Variants in OR14A2 observed in about 807,000 individuals in gnomAD.
OR14A2 encodes the protein olfactory receptor family 14 subfamily A member 2.
For synonymous variants in OR14A2, 114 were observed against 58.6 expected (o/e 1.95, Z -4.32); for missense variants, 237 against 152.9 (o/e 1.55, Z -2.90).
chr1:247,741,151 T>C, the OR14A2 span, among the ~76,000 whole-genome samples: 1 of 152,234 alleles, frequency 6.6e-6, no homozygotes, highest in Non-Finnish European at 1.5e-5. Context: ...AACTCTTGTA[T>C]GTCATTGTAT....
exon 1 of OR14A2, chr1:247,723,414 G>T (rs771750557): frequency 1.3e-5 from 9 of 717,384 alleles, no homozygotes; most frequent in Non-Finnish European, 2.1e-5. Context: ...TCACAATACA[G>T]ATGAAACAAG....
At chr1:247,736,673 GTCTC>G in the OR14A2 span, among the ~76,000 whole-genome samples, 1 of 152,044 alleles carries the variant, frequency 6.6e-6, no homozygotes, top group Non-Finnish European at 1.5e-5. Flanking sequence ...TACCCTGGCT[GTCTC>G]TAAAACACAC....
At chr1:247,738,235 A>G in the OR14A2 span, among the ~76,000 whole-genome samples, 1 of 152,218 alleles carries the variant, frequency 6.6e-6, no homozygotes, top group Non-Finnish European at 1.5e-5. Context: ...ACACAAAACT[A>G]CATTAACCGG....
At chr1:247,739,259 C>T in the OR14A2 span, 3 of 780,778 alleles carry the variant, frequency 3.8e-6, no homozygotes, top group Admixed American at 5.1e-5. Flanking sequence ...TTGTAGTTTC[C>T]TATGTGTACA....
chr1:247,742,504 C>T, the OR14A2 span, among the ~76,000 whole-genome samples: 9 of 152,242 alleles, frequency 5.9e-5, no homozygotes, highest in East Asian at 1.7e-3. Context: ...AGACTGTGTT[C>T]ACCACTGTGG....
the OR14A2 span, among the ~76,000 whole-genome samples, chr1:247,742,650 A>C: frequency 6.6e-5 from 10 of 152,264 alleles, no homozygotes; most frequent in Non-Finnish European, 1.5e-4. Context: ...TATATGACAG[A>C]GGATAATCAA....
the OR14A2 span, among the ~76,000 whole-genome samples, chr1:247,735,384 A>G: frequency 6.6e-6 from 1 of 152,224 alleles, no homozygotes; most frequent in Non-Finnish European, 1.5e-5. Flanking sequence ...AAGGTGTCAC[A>G]TGCAAATGAA....
the OR14A2 span, among the ~76,000 whole-genome samples, chr1:247,735,059 C>T: frequency 0.2 from 30,861 of 152,206 alleles, 3,942 homozygotes; most frequent in Non-Finnish European, 0.29. Flanking sequence ...TCGTAGGATG[C>T]TCATGAGGAT....
the OR14A2 span, among the ~76,000 whole-genome samples, chr1:247,745,594 T>C: frequency 6.6e-6 from 1 of 152,164 alleles, no homozygotes; most frequent in Non-Finnish European, 1.5e-5. Flanking sequence ...CTTTAATTTT[T>C]CTTTTTTTCT....
At chr1:247,739,494 G>A in the OR14A2 span, 1 of 780,812 alleles carries the variant, frequency 1.3e-6, no homozygotes, top group Non-Finnish European at 2.4e-6. Flanking sequence ...GAAGAACAAG[G>A]ACATTAAATC....
At chr1:247,723,165 A>G in exon 1 of OR14A2, 1 of 717,706 alleles carries the variant, frequency 1.4e-6, no homozygotes, top group Non-Finnish European at 2.6e-6. Context: ...ATTTCATGTC[A>G]TTGTTCCGCA....
At chr1:247,736,152 T>TCCCCG in the OR14A2 span, among the ~76,000 whole-genome samples, 1 of 143,176 alleles carries the variant, frequency 7.0e-6, no homozygotes. Context: ...CATATAGGCC[T>TCCCCG]CCCCTCCCCT....
the OR14A2 span, among the ~76,000 whole-genome samples, chr1:247,729,258 C>T: frequency 6.6e-6 from 1 of 152,118 alleles, no homozygotes; most frequent in African/African-American, 2.4e-5. Flanking sequence ...GAGGAAACAA[C>T]TGTTTCCAAC....
upstream of OR14A2, among the ~76,000 whole-genome samples, chr1:247,728,261 C>G (rs1420157558): frequency 1.1e-4 from 17 of 152,128 alleles, no homozygotes; most frequent in South Asian, 1.0e-3. Flanking sequence ...ATGCAAGGCT[C>G]GTTCAATATA....
At chr1:247,729,730 C>A in the OR14A2 span, among the ~76,000 whole-genome samples, 1 of 151,972 alleles carries the variant, frequency 6.6e-6, no homozygotes, top group Non-Finnish European at 1.5e-5. Flanking sequence ...TAAAAATACA[C>A]ACAAAAACCC....
At chr1:247,747,975 A>G in the OR14A2 span, among the ~76,000 whole-genome samples, 2 of 152,310 alleles carry the variant, frequency 1.3e-5, no homozygotes, top group Admixed American at 6.5e-5. Flanking sequence ...TAAGCATGCT[A>G]TAAGCCAGGT....
the OR14A2 span, among the ~76,000 whole-genome samples, chr1:247,730,161 T>C: frequency 6.6e-6 from 1 of 152,084 alleles, no homozygotes; most frequent in African/African-American, 2.4e-5. Flanking sequence ...CAGGGTATTA[T>C]ATAAATGAGT....
upstream of OR14A2, among the ~76,000 whole-genome samples, chr1:247,728,500 T>G (rs1660441310): frequency 6.6e-6 from 1 of 152,094 alleles, no homozygotes; most frequent in Non-Finnish European, 1.5e-5. Context: ...AGCATTCCCT[T>G]TGAAAACTGG....
Position 247,723,855 on chromosome 1 carries a change from G to C in OR14A2, c.189C>G (p.Asn63Lys), listed in dbSNP as rs1284763357. Residue 63 changes from asparagine (N) to lysine (K), a missense_variant, in exon 1 of 1, where the codon AAC (asparagine) becomes AAG (lysine). Coordinates refer to ENST00000366485, the Ensembl canonical transcript of OR14A2. The stretch of plus-strand genomic sequence containing the variant: ...CCAGGAAGACATCCAAAAAGGATAA[G>C]TTCTTCAGGAAGAAGTACATGGGTG... 5 of 717,822 alleles carry C rather than the reference G, an allele frequency of 7.0e-6. No homozygotes were observed. The South Asian group carries it at 7.4e-5, about 11-fold the overall frequency. The allele number at this position is 717,822 out of a possible 1,614,324, so 44.5% of individuals were successfully genotyped here. A position where few individuals can be genotyped will look rare whatever the true frequency, so the allele number is the denominator to read the frequency against.
Sources: gnomAD v4.1 joint callset for allele counts (sites outside exome capture counted in the v4.1 genomes callset) on GRCh38, gnomAD v4.1.1 for gene constraint, MANE v1.5 for transcripts, NCBI Gene and HGNC (gene_info 2026-07-23, HGNC 2026-07-21) for gene names.